FHIT: variants seen among roughly 807,000 people sequenced by gnomAD.
The protein encoded by FHIT is fragile histidine triad diadenosine triphosphatase.
In FHIT, 19 loss-of-function variants were observed where a neutral mutation model predicts 17.9. The ratio of observed to expected loss-of-function variants is 1.06; its 90% confidence interval spans 0.74 to 1.56. The LOEUF (loss-of-function observed/expected upper bound fraction) is 1.56, where lower values mean the gene tolerates loss of function less well. Ranked by LOEUF, FHIT falls within the 40% of genes most tolerant of loss-of-function variation. FHIT has a pLI of 0.00. For synonymous variants in FHIT, 81 were observed against 69.7 expected (o/e 1.16, Z -0.81); for missense variants, 248 against 189.2 (o/e 1.31, Z -1.82).
intron 7 of FHIT, among the ~76,000 whole-genome samples, chr3:59,952,426 G>C (rs936176281): frequency 7.1e-6 from 1 of 140,142 alleles, no homozygotes; most frequent in Non-Finnish European, 1.5e-5. Flanking sequence ...ACTCTGTGGA[G>C]TCTCCTCCCT....
intron 8 of FHIT, among the ~76,000 whole-genome samples, chr3:59,758,131 T>C (rs1666066): frequency 0.25 from 37,543 of 152,126 alleles, 5,470 homozygotes; most frequent in African/African-American, 0.39. Flanking sequence ...AGGTCTGAGA[T>C]TGACTTTTAA....
chr3:60,454,337 G>C (rs373373445), intron 5 of FHIT, among the ~76,000 whole-genome samples: 12 of 151,676 alleles, frequency 7.9e-5, no homozygotes, highest in Non-Finnish European at 1.6e-4. Flanking sequence ...ACAAGTCCTT[G>C]AGCTCACAAA....
At chr3:60,243,953 C>G (rs1705261660) in intron 5 of FHIT, among the ~76,000 whole-genome samples, 2 of 152,052 alleles carry the variant, frequency 1.3e-5, no homozygotes. Flanking sequence ...CCTGACGTTA[C>G]CATCATGTAC....
chr3:60,897,752 G>T (rs1382427750), intron 3 of FHIT, among the ~76,000 whole-genome samples: 4 of 152,038 alleles, frequency 2.6e-5, no homozygotes, highest in Non-Finnish European at 2.9e-5. Flanking sequence ...GGTTTCCTCA[G>T]CAGGCCAGCT....
chr3:60,703,198 T>G (rs183643145), intron 4 of FHIT, among the ~76,000 whole-genome samples: 1 of 152,180 alleles, frequency 6.6e-6, no homozygotes, highest in South Asian at 2.1e-4. Context: ...TGTGTCTGCA[T>G]GCCAAGAAAT....
intron 2 of FHIT, among the ~76,000 whole-genome samples, chr3:61,064,228 G>A (rs1041968066): frequency 9.7e-6 from 1 of 102,840 alleles, no homozygotes; most frequent in Non-Finnish European, 2.5e-5. Context: ...TTCCTGAAAT[G>A]GAAAGAGAGA....
chr3:60,623,874 G>A (rs1352859634), intron 4 of FHIT, among the ~76,000 whole-genome samples: 1 of 152,144 alleles, frequency 6.6e-6, no homozygotes, highest in African/African-American at 2.4e-5. Flanking sequence ...TTCTCTCAAG[G>A]TCAATGTCTC....
chr3:60,238,666 G>A (rs993305467), intron 5 of FHIT, among the ~76,000 whole-genome samples: 6 of 152,106 alleles, frequency 3.9e-5, no homozygotes, highest in Non-Finnish European at 8.8e-5. Flanking sequence ...AACCCTTAGT[G>A]TAGTTGCACT....
intron 5 of FHIT, among the ~76,000 whole-genome samples, chr3:60,209,678 C>T (rs1045271497): frequency 2.0e-5 from 3 of 152,074 alleles, no homozygotes; most frequent in Admixed American, 6.6e-5. Flanking sequence ...AGACATGGAA[C>T]CAATCTAAAT....
At chr3:60,333,869 A>T (rs943570434) in intron 5 of FHIT, among the ~76,000 whole-genome samples, 5 of 152,206 alleles carry the variant, frequency 3.3e-5, no homozygotes, top group Non-Finnish European at 7.3e-5. Context: ...GAGATGTCAG[A>T]TCCCTCACCC....
chr3:61,013,480 A>G (rs1018663165), intron 3 of FHIT, among the ~76,000 whole-genome samples: 15 of 152,314 alleles, frequency 9.8e-5, no homozygotes, highest in Non-Finnish European at 1.8e-4. Context: ...CTTGCATTCT[A>G]TTTACAGGCT....
chr3:59,970,255 T>C (rs1417617765), intron 7 of FHIT, among the ~76,000 whole-genome samples: 1 of 152,122 alleles, frequency 6.6e-6, no homozygotes, highest in African/African-American at 2.4e-5. Flanking sequence ...GGGGAAAATA[T>C]GAGAGCACAA....
chr3:60,298,328 A>G (rs372381836), intron 5 of FHIT, among the ~76,000 whole-genome samples: 2 of 152,170 alleles, frequency 1.3e-5, no homozygotes, highest in East Asian at 1.9e-4. Flanking sequence ...TCTCCTAGCA[A>G]CCAGTCCCCA....
intron 5 of FHIT, among the ~76,000 whole-genome samples, chr3:60,472,809 C>G (rs143170874): frequency 6.6e-6 from 1 of 152,112 alleles, no homozygotes; most frequent in Non-Finnish European, 1.5e-5. Flanking sequence ...AGCCCCCAAT[C>G]CCAAAGACAT....
At chr3:60,090,490 G>C (rs991710490) in intron 5 of FHIT, among the ~76,000 whole-genome samples, 1 of 152,108 alleles carries the variant, frequency 6.6e-6, no homozygotes, top group Non-Finnish European at 1.5e-5. Context: ...TTTTCTTTAC[G>C]TGATTGATGG....
intron 2 of FHIT, among the ~76,000 whole-genome samples, chr3:61,144,069 T>C (rs2037161843): frequency 6.6e-6 from 1 of 152,178 alleles, no homozygotes; most frequent in Admixed American, 6.5e-5. Context: ...AACCATAAAA[T>C]TCACCCATTT....
At chr3:59,985,832 T>A (rs148531345) in intron 7 of FHIT, among the ~76,000 whole-genome samples, 1 of 152,028 alleles carries the variant, frequency 6.6e-6, no homozygotes, top group Admixed American at 6.6e-5. Flanking sequence ...AGCGCAGGTG[T>A]CCACTCAGTC....
At chr3:60,667,496 T>C (rs2107836217) in intron 4 of FHIT, among the ~76,000 whole-genome samples, 1 of 152,276 alleles carries the variant, frequency 6.6e-6, no homozygotes, top group East Asian at 1.9e-4. Context: ...TTTTCTAATA[T>C]TTTCTATTTT....
chr3:60,191,605 T>G (rs1001146888), intron 5 of FHIT, among the ~76,000 whole-genome samples: 12 of 152,166 alleles, frequency 7.9e-5, no homozygotes, highest in Non-Finnish European at 1.5e-4. Context: ...AAGTAGTATT[T>G]TTTTATATGA....
Sources: gnomAD v4.1 joint callset for allele counts (sites outside exome capture counted in the v4.1 genomes callset) on GRCh38, gnomAD v4.1.1 for gene constraint, MANE v1.5 for transcripts, NCBI Gene and HGNC (gene_info 2026-07-23, HGNC 2026-07-21) for gene names.